KIAA1755: variants seen among roughly 807,000 people sequenced by gnomAD.
KIAA1755 encodes the protein KIAA1755.
Under a neutral mutation model 91.7 loss-of-function variants are expected in KIAA1755, and 68 were observed. The ratio of observed to expected loss-of-function variants is 0.74; its 90% CI spans 0.61 to 0.91. The LOEUF (loss-of-function observed/expected upper bound fraction) is 0.91. Among genes scored for constraint, KIAA1755 ranks in the 40% least tolerant of loss-of-function variants. The pLI is 0.00. For synonymous variants in KIAA1755, 610 were observed against 604.6 expected, an observed-to-expected ratio of 1.01 and a Z score of -0.13; for missense variants, 1,535 against 1,494.4, an observed-to-expected ratio of 1.03 and a Z score of -0.45.
chr20:38,249,000 G>A (rs563851630), intron 1 of KIAA1755, among the ~76,000 whole-genome samples: 5 of 151,992 alleles, frequency 3.3e-5, no homozygotes, highest in Middle Eastern at 3.4e-3. Context: ...TCAGCCTCCC[G>A]AGTAGCTGTG....
intron 5 of KIAA1755, among the ~76,000 whole-genome samples, chr20:38,229,033 C>T (rs1020761991): frequency 1.3e-5 from 2 of 152,170 alleles, no homozygotes; most frequent in Non-Finnish European, 2.9e-5. Context: ...AGCCATCTGG[C>T]CAGTGGGTAC....
chr20:38,246,030 G>A lies in KIAA1755; in HGVS notation c.100C>T (p.Arg34Cys), dbSNP rs745937778. 23 of 1,614,018 alleles carry A rather than the reference G, an allele frequency of 1.4e-5. No individual in the cohort carries two copies. The highest frequency in any genetic ancestry group is 3.3e-5 in the South Asian group (3 of 91,082). ...TAPTVLGQVF[R>C]LLDSGFQGDG... is the part of the protein sequence containing the mutation. ...CCCTGGAAGCCAGAGTCCAGGAGAC[G>A]GAACACCTGACCCAGGACGGTGGGT... is the stretch of plus-strand genomic sequence containing the variant. The change falls in exon 2 of 14, where the codon CGT becomes TGT. Residue 34 changes from arginine to cysteine, a missense_variant. Arg to Cys is a radical substitution (Grantham distance 180). Coordinates refer to ENST00000279024, the MANE Select transcript of KIAA1755 (RefSeq NM_001029864.2).
At chr20:38,243,898 G>A (rs2076110341) in intron 2 of KIAA1755, among the ~76,000 whole-genome samples, 1 of 152,204 alleles carries the variant, frequency 6.6e-6, no homozygotes, top group African/African-American at 2.4e-5. Context: ...TCATCTCCAT[G>A]TGTTAGGTGC....
rs377679172 is a variant in KIAA1755, at chr20:38,218,089, T to A, written c.2679+155A>T. 104 of 867,732 alleles carry A rather than the reference T, an allele frequency of 1.2e-4. 2 individuals are homozygous for A. Among genetic ancestry groups the A allele is most frequent in the East Asian group, 1.1e-3 (44 of 40,170 alleles). 53.8% of individuals were successfully genotyped at this position (867,732 alleles called of 1,614,324 possible). On this transcript the variant is annotated intron_variant, in intron 12 of 13. Coordinates refer to ENST00000279024, the MANE Select transcript of KIAA1755 (RefSeq NM_001029864.2). ...GTAAGAATCTCTGGGGGAGATAACA[T>A]CTCAGCTGAACTCTGCAATCCAAGC...
chr20:38,245,193 T>A (rs1004329365), intron 2 of KIAA1755, among the ~76,000 whole-genome samples: 2 of 152,212 alleles, frequency 1.3e-5, no homozygotes, highest in Non-Finnish European at 2.9e-5. Flanking sequence ...GATTTTTCTA[T>A]GTGCAGTGGA....
chr20:38,230,509 C>T (rs1191386135), intron 5 of KIAA1755, among the ~76,000 whole-genome samples: 1 of 152,200 alleles, frequency 6.6e-6, no homozygotes, highest in African/African-American at 2.4e-5. Flanking sequence ...GTCCCACCCA[C>T]CTTCATCAAC....
At chr20:38,217,212 G>A in intron 13 of KIAA1755, 41 bp downstream of exon 13, 1 of 1,518,954 alleles carries the variant, frequency 6.6e-7, no homozygotes, top group Admixed American at 2.0e-5. Flanking sequence ...CCCCAGCCAG[G>A]GGATCGGGGG....
At position 38,213,464 on chromosome 20, in the gene KIAA1755, G is replaced by C; in HGVS notation, c.3181C>G (p.Pro1061Ala). Residue 1061 changes from proline to alanine, a missense_variant, in exon 14 of 14, where the codon CCA becomes GCA. Pro to Ala is a conservative substitution (Grantham distance 27, BLOSUM62 -1). Coordinates refer to ENST00000279024, the MANE Select transcript of KIAA1755 (RefSeq NM_001029864.2). ...TCTGGGCGCGCTGAGTGAGCAGCTG[G>C]AGCCTCTGGGCAAGAGCTGTGGGTC... Reference protein sequence around the residue: ...ALTHSSCPEAPAAHSARPERR... With the variant: ...ALTHSSCPEAAAAHSARPERR... The C allele has an allele frequency of 6.2e-7, 1 of 1,605,274 alleles. No individual in the cohort carries two copies. The highest frequency in any genetic ancestry group is 1.1e-5 in the South Asian group (1 of 89,486).
At chr20:38,228,300 C>A in intron 5 of KIAA1755, 60 bp from the exon 6 acceptor site, 12 of 1,349,774 alleles carry the variant, frequency 8.9e-6, no homozygotes, top group South Asian at 1.5e-5. Context: ...GGGGCAGGAC[C>A]TAGTGGAAGG....
rs751742761 is a variant in KIAA1755 at position 38,227,226 on chromosome 20, G to C, written c.1980C>G (p.Ala660=). 1 of 1,613,852 alleles carries C rather than the reference G, an allele frequency of 6.2e-7. No homozygotes were observed. The highest frequency in any genetic ancestry group is 8.5e-7 in the Non-Finnish European group (1 of 1,179,840). ...CCAGGAAGAGAATAGCCCGGATAGA[G>C]GCTGGGACCTGAGCCTGTCAAAGAC... is the stretch of plus-strand genomic sequence containing the variant. ...ALQATQAQVP[A]SIRAILFLGE... The change falls in exon 7 of 14, where the codon GCC becomes GCG. Residue 660 remains alanine (A), a synonymous_variant. Coordinates refer to ENST00000279024, the MANE Select transcript of KIAA1755 (RefSeq NM_001029864.2).
At chr20:38,245,597 T>C (rs2076143859) in intron 2 of KIAA1755, among the ~76,000 whole-genome samples, 1 of 152,196 alleles carries the variant, frequency 6.6e-6, no homozygotes, top group Non-Finnish European at 1.5e-5. Context: ...GCTGCCTCAC[T>C]TCACCAAAGG....
In KIAA1755 at chr20:38,226,101, G is replaced by C. The variant is rs186763724; in HGVS notation, c.2053-320C>G. 8.3e-4 allele frequency among the ~76,000 whole-genome samples: 126 copies of C among 152,214 alleles called. No homozygotes were observed. In the South Asian group the frequency reaches 0.011, roughly 13 times the overall value. ...TGGCTCTTTCCCAGTACAGCTCTCC[G>C]GGCAATCATACAAACTGATGGAAGC... On this transcript the variant is annotated intron_variant, in intron 7 of 13. Coordinates refer to ENST00000279024, the MANE Select transcript of KIAA1755 (RefSeq NM_001029864.2).
At chr20:38,232,589 C>T (rs1227340607) in intron 4 of KIAA1755, among the ~76,000 whole-genome samples, 4 of 149,860 alleles carry the variant, frequency 2.7e-5, no homozygotes, top group Admixed American at 2.7e-4. Context: ...GATCTCGCCA[C>T]TGCACTCCAG....
In KIAA1755 at chr20:38,241,896, C is replaced by A. The variant is rs747989222; in HGVS notation, c.235G>T (p.Gly79Cys). ...PYSHCLFLHEGWPLCLRDEVV... is the reference protein window; with the variant it reads ...PYSHCLFLHECWPLCLRDEVV... ...TCATCCCTCAGACAGAGTGGCCAGC[C>A]CTCGTGTAAGAAGAGGCAGTGTGAG... The change falls in exon 3 of 14, where the codon GGC (glycine) becomes TGC (cysteine). Residue 79 changes from glycine (G) to cysteine (C), a missense_variant. By Grantham distance (159) the Gly-to-Cys change is radical. Coordinates refer to ENST00000279024, the MANE Select transcript of KIAA1755 (RefSeq NM_001029864.2). The A allele has an allele frequency of 6.8e-6, 11 of 1,613,458 alleles. No individual in the cohort carries two copies. The African/African-American group carries it at 1.2e-4, about 18-fold the overall frequency.
rs372862729 is a variant in KIAA1755 at position 38,217,243 on chromosome 20, C to A, written c.2901+10G>T. The A allele has an allele frequency of 1.3e-5, 20 of 1,586,438 alleles. No individual in the cohort carries two copies. The Middle Eastern group carries it at 5.0e-4, about 40-fold the overall frequency. ...GGGGGGTATCTGTGCAGGTGGGCCG[C>A]GGGGCTCACCCTCTTGCAGAAGCGG... On this transcript the variant is annotated intron_variant, in intron 13 of 13. Coordinates refer to ENST00000279024, the MANE Select transcript of KIAA1755 (RefSeq NM_001029864.2).
chr20:38,254,351 G>GAA (rs141031019), intron 1 of KIAA1755, among the ~76,000 whole-genome samples: 13 of 149,870 alleles, frequency 8.7e-5, no homozygotes, highest in African/African-American at 3.2e-4. Flanking sequence ...GTTCCTTGGG[G>GAA]AAAAAAAAAA....
chr20:38,230,582 G>A (rs2075841876), intron 5 of KIAA1755, among the ~76,000 whole-genome samples: 2 of 152,130 alleles, frequency 1.3e-5, no homozygotes, highest in African/African-American at 4.8e-5. Flanking sequence ...CAGGTGATTC[G>A]AATGCACCTT....
chr20:38,231,072 G>T, intron 5 of KIAA1755, 130 bp downstream of exon 5: 1 of 1,015,020 alleles, frequency 9.9e-7, no homozygotes, highest in Non-Finnish European at 1.4e-6. Flanking sequence ...GCATCTGTCT[G>T]GGGACTGGCT....
chr20:38,244,326 T>C (rs921641962), intron 2 of KIAA1755, among the ~76,000 whole-genome samples: 6 of 152,364 alleles, frequency 3.9e-5, no homozygotes, highest in African/African-American at 1.4e-4. Flanking sequence ...CTAGTTCCCA[T>C]GTATTGAGCT....
Sources: allele counts gnomAD v4.1 joint callset (sites outside exome capture counted in the v4.1 genomes callset), GRCh38; gene constraint gnomAD v4.1.1; transcripts MANE v1.5; gene names NCBI Gene and HGNC (gene_info 2026-07-23, HGNC 2026-07-21).